DRD2: variants seen among roughly 807,000 people sequenced by gnomAD.
DRD2 encodes the protein D(2) dopamine receptor.
In DRD2, 8 loss-of-function variants were observed where a neutral mutation model predicts 38.0. That is an observed-to-expected ratio of 0.21 (90% CI 0.12 to 0.38). The LOEUF is 0.38. Ranked by LOEUF, DRD2 falls within the 10% of genes least tolerant of loss-of-function variation. The pLI, the probability that DRD2 is intolerant of heterozygous loss-of-function variation, is 1.00. For missense variants in DRD2, 403 were observed against 607.7 expected (o/e 0.66, Z 3.54); for synonymous variants, 230 against 238.6 (o/e 0.96, Z 0.33).
At chr11:113,442,812 C>T (rs920521490) in intron 1 of DRD2, among the ~76,000 whole-genome samples, 8 of 152,186 alleles carry the variant, frequency 5.3e-5, no homozygotes, top group Admixed American at 2.0e-4. Flanking sequence ...TGAGGCAAAT[C>T]GAGGTCTGGA....
chr11:113,423,001 C>T (rs973690484), intron 2 of DRD2, among the ~76,000 whole-genome samples: 1 of 152,168 alleles, frequency 6.6e-6, no homozygotes, highest in Non-Finnish European at 1.5e-5. Flanking sequence ...TTCCTAAATG[C>T]CTGATCCCAT....
intron 4 of DRD2, among the ~76,000 whole-genome samples, chr11:113,416,641 C>T (rs1278377314): frequency 6.6e-6 from 1 of 152,216 alleles, no homozygotes; most frequent in Non-Finnish European, 1.5e-5. Flanking sequence ...CCTCATCCAA[C>T]TCCGTTGTGT....
At chr11:113,444,061 T>G (rs1049774626) in intron 1 of DRD2, among the ~76,000 whole-genome samples, 9 of 152,340 alleles carry the variant, frequency 5.9e-5, no homozygotes, top group Admixed American at 4.6e-4. Flanking sequence ...TTTGTTTTTC[T>G]TTCTCACTCT....
chr11:113,429,535 G>A (rs1950968111), intron 1 of DRD2, among the ~76,000 whole-genome samples: 2 of 152,076 alleles, frequency 1.3e-5, no homozygotes, highest in African/African-American at 4.8e-5. Context: ...GTGAGCCACC[G>A]CACCCGGCCA....
intron 1 of DRD2, chr11:113,447,800 C>G (rs1951167163): frequency 6.6e-6 from 1 of 152,230 alleles, no homozygotes; most frequent in African/African-American, 2.4e-5. Context: ...CCTGGATGTC[C>G]TTTTGTAACA....
At chr11:113,415,200 T>C (rs974643153) in intron 5 of DRD2, 1 of 440,980 alleles carries the variant, frequency 2.3e-6, no homozygotes, top group African/African-American at 2.0e-5. Context: ...CTTCCCCTTG[T>C]TATTTAGTGT....
chr11:113,419,196 C>T (rs557170919), intron 2 of DRD2, among the ~76,000 whole-genome samples: 76 of 152,248 alleles, frequency 5.0e-4, no homozygotes, highest in Non-Finnish European at 9.6e-4. Flanking sequence ...ATGGCAGAGT[C>T]GGGGCCCCAA....
chr11:113,436,146 G>A (rs1951033781), intron 1 of DRD2, among the ~76,000 whole-genome samples: 1 of 152,106 alleles, frequency 6.6e-6, no homozygotes, highest in Non-Finnish European at 1.5e-5. Flanking sequence ...GCAATGGAGG[G>A]GTGGGCAGGC....
rs573748698 is a variant in DRD2 at position 113,412,262 on chromosome 11, G to A, written c.1138+294C>T. ...TGGGCACATAGGCCCATGAGGTTCT[G>A]GTGCCAGCATAATAGACTAGTCAAA... On this transcript the variant is annotated intron_variant, in intron 7 of 7. Transcript: ENST00000362072. 1.7e-5 allele frequency: 8 copies of A among 476,224 alleles called. No individual in the cohort carries two copies. The Admixed American group carries it at 2.0e-4, about 12-fold the overall frequency. The allele number at this position is 476,224 out of a possible 1,614,324, so 29.5% of individuals were successfully genotyped here.
intron 2 of DRD2, 123 bp downstream of exon 2, chr11:113,424,243 GA>G: frequency 1.8e-6 from 2 of 1,132,552 alleles, no homozygotes; most frequent in South Asian, 1.4e-5. Context: ...CAGAGTGAAG[GA>G]AAAACCACCT....
At chr11:113,463,194 T>C (rs1014640502) in intron 1 of DRD2, among the ~76,000 whole-genome samples, 3 of 152,202 alleles carry the variant, frequency 2.0e-5, no homozygotes, top group Non-Finnish European at 2.9e-5. Flanking sequence ...CAGTGGAGTA[T>C]AGCTGAATAA....
intron 1 of DRD2, among the ~76,000 whole-genome samples, chr11:113,448,570 T>A (rs1474148430): frequency 6.6e-6 from 1 of 152,206 alleles, no homozygotes; most frequent in East Asian, 1.9e-4. Flanking sequence ...CCTGTCTTCA[T>A]CTCAGCCCCA....
chr11:113,464,188 C>T (rs542527142), intron 1 of DRD2, among the ~76,000 whole-genome samples: 23 of 152,090 alleles, frequency 1.5e-4, no homozygotes, highest in Non-Finnish European at 2.5e-4. Flanking sequence ...CCATGAGCCA[C>T]GGAGGGAGCG....
chr11:113,438,619 C>G (rs997180852), intron 1 of DRD2, among the ~76,000 whole-genome samples: 4 of 152,326 alleles, frequency 2.6e-5, no homozygotes, highest in Non-Finnish European at 4.4e-5. Flanking sequence ...CCTAAAATAT[C>G]AGGGCACCTG....
At chr11:113,454,715 A>G (rs1037370764) in intron 1 of DRD2, among the ~76,000 whole-genome samples, 3 of 152,254 alleles carry the variant, frequency 2.0e-5, no homozygotes, top group Admixed American at 2.0e-4. Flanking sequence ...CTAAGTGTCT[A>G]CTAATGGATG....
At chr11:113,464,423 C>A (rs1951349772) in intron 1 of DRD2, among the ~76,000 whole-genome samples, 1 of 152,208 alleles carries the variant, frequency 6.6e-6, no homozygotes, top group South Asian at 2.1e-4. Context: ...CTCTATCTCT[C>A]TTTGTCACTG....
In DRD2 at chr11:113,467,327, T is replaced by C. The variant is rs369794715; in HGVS notation, c.-32+7749A>G. On this transcript the variant is annotated intron_variant, in intron 1 of 7. Coordinates refer to ENST00000362072, the MANE Select transcript of DRD2 (RefSeq NM_000795.4). Reference sequence around the variant, plus strand: ...AGAGTCCTCCCCAAGAAGGGATTCATAGACCAAGAAAAAGGCCAACAAGAG... The same window carrying C: ...AGAGTCCTCCCCAAGAAGGGATTCACAGACCAAGAAAAAGGCCAACAAGAG... Among the ~76,000 whole-genome samples, 73 of 152,284 alleles carry C rather than the reference T, an allele frequency of 4.8e-4. 1 individual carries two copies. The South Asian group carries it at 0.015, about 31-fold the overall frequency.
chr11:113,463,990 G>A (rs1382661195), intron 1 of DRD2, among the ~76,000 whole-genome samples: 2 of 152,178 alleles, frequency 1.3e-5, no homozygotes, highest in Admixed American at 6.5e-5. Flanking sequence ...CAACATGTTA[G>A]AAGGTTACAG....
intron 1 of DRD2, among the ~76,000 whole-genome samples, chr11:113,453,671 G>T (rs1951238030): frequency 6.6e-6 from 1 of 152,210 alleles, no homozygotes; most frequent in Non-Finnish European, 1.5e-5. Context: ...TGCAGGGAGA[G>T]AAACAAGTCC....
Sources: gnomAD v4.1 joint callset for allele counts (sites outside exome capture counted in the v4.1 genomes callset) on GRCh38, gnomAD v4.1.1 for gene constraint, MANE v1.5 for transcripts, NCBI Gene and HGNC (gene_info 2026-07-23, HGNC 2026-07-21) for gene names.